CABLES1: variants seen among roughly 807,000 people sequenced by gnomAD.
CABLES1 encodes the protein Cdk5 and Abl enzyme substrate 1.
A neutral mutation model predicts 57.8 loss-of-function variants in CABLES1; 36 were observed. That is an observed-to-expected ratio of 0.62 (90% CI 0.48 to 0.82). The LOEUF is 0.82. CABLES1 is among the 40% of genes least tolerant of loss of function. The probability of loss-of-function intolerance (pLI) is 0.00; values close to 1 mark genes in which losing one functional copy is unlikely to be tolerated. For missense variants in CABLES1, 767 were observed against 836.6 expected, an observed-to-expected ratio of 0.92 and a Z score of 1.03; for synonymous variants, 374 against 363.0, an observed-to-expected ratio of 1.03 and a Z score of -0.35.
At chr18:23,222,518 C>T (rs1388389468) in intron 4 of CABLES1, among the ~76,000 whole-genome samples, 2 of 145,900 alleles carry the variant, frequency 1.4e-5, no homozygotes, top group African/African-American at 2.5e-5. Flanking sequence ...TGCTCACGTT[C>T]TCTCTCTCTC....
intron 1 of CABLES1, among the ~76,000 whole-genome samples, chr18:23,147,681 T>C (rs2046900104): frequency 1.3e-5 from 2 of 152,220 alleles, no homozygotes; most frequent in Non-Finnish European, 2.9e-5. Context: ...ATTTTGCCCC[T>C]GCTTACGCTG....
chr18:23,148,211 G>A (rs556274397), intron 1 of CABLES1, among the ~76,000 whole-genome samples: 29 of 151,994 alleles, frequency 1.9e-4, no homozygotes, highest in African/African-American at 5.8e-4. Flanking sequence ...GGGTGGTCTC[G>A]ATCTCCTGAT....
At chr18:23,177,490 G>A (rs1038273335) in intron 1 of CABLES1, among the ~76,000 whole-genome samples, 12 of 151,110 alleles carry the variant, frequency 7.9e-5, no homozygotes, top group Non-Finnish European at 7.4e-5. Flanking sequence ...CAGCCCCGCC[G>A]GTCTATGTGT....
intron 3 of CABLES1, among the ~76,000 whole-genome samples, chr18:23,203,359 G>A (rs1237822368): frequency 1.3e-5 from 2 of 152,012 alleles, no homozygotes; most frequent in African/African-American, 4.8e-5. Context: ...CCTCCCTTGG[G>A]AGGAATTTTC....
At chr18:23,163,984 G>GT (rs1156679262) in intron 1 of CABLES1, among the ~76,000 whole-genome samples, 1 of 152,126 alleles carries the variant, frequency 6.6e-6, no homozygotes, top group African/African-American at 2.4e-5. Context: ...GCACAGACAG[G>GT]TTATCGAGCT....
intron 1 of CABLES1, among the ~76,000 whole-genome samples, chr18:23,185,197 A>G (rs989098095): frequency 1.3e-5 from 2 of 151,978 alleles, no homozygotes; most frequent in African/African-American, 4.8e-5. Flanking sequence ...GCTTTGTGAG[A>G]GGGGAGTTAT....
In CABLES1 at chr18:23,158,031, C is replaced by T. The variant is rs553932660; in HGVS notation, c.845+21424C>T. 3.1e-4 allele frequency among the ~76,000 whole-genome samples: 47 copies of T among 151,886 alleles called. No homozygotes were observed. The Middle Eastern group carries it at 0.014, about 44-fold the overall frequency. On this transcript the variant is annotated intron_variant, in intron 1 of 9. Transcript: ENST00000256925. ...GTTCAGTGGCTTATGCCTGTAATCC[C>T]GGCACTTTGGGAGGCTGAGGCAGGT...
At chr18:23,211,639 T>C (rs1014613382) in intron 3 of CABLES1, among the ~76,000 whole-genome samples, 1 of 152,216 alleles carries the variant, frequency 6.6e-6, no homozygotes, top group Non-Finnish European at 1.5e-5. Context: ...AGGGGCAGGC[T>C]TTTCTAGTAA....
chr18:23,147,766 G>T (rs1463095682), intron 1 of CABLES1, among the ~76,000 whole-genome samples: 1 of 152,178 alleles, frequency 6.6e-6, no homozygotes, highest in Non-Finnish European at 1.5e-5. Flanking sequence ...TACCTTTAGA[G>T]CAATGAGGCT....
rs999261061 is a variant in CABLES1 at position 23,236,034 on chromosome 18, AGGG to A, written c.1327_1329del (p.Gly443del). ...TCCATAGGCCGGGCAAGCGGCACCC[AGGG>A]GAGCCTCGACACAGGTAACCTTGGC... On this transcript the variant is annotated inframe_deletion, in exon 6 of 10. Coordinates refer to ENST00000256925, the MANE Select transcript of CABLES1 (RefSeq NM_001100619.3). The A allele has an allele frequency of 6.2e-7, 1 of 1,614,128 alleles. No individual in the cohort carries two copies. The highest frequency in any genetic ancestry group is 1.3e-5 in the African/African-American group (1 of 75,048).
intron 1 of CABLES1, among the ~76,000 whole-genome samples, chr18:23,148,148 C>G (rs889023214): frequency 1.4e-4 from 22 of 152,142 alleles, no homozygotes; most frequent in Non-Finnish European, 2.5e-4. Context: ...CGCCACCATG[C>G]CCGGCTAATT....
intron 1 of CABLES1, among the ~76,000 whole-genome samples, chr18:23,145,425 G>C (rs1014915140): frequency 1.3e-5 from 2 of 152,054 alleles, no homozygotes; most frequent in Non-Finnish European, 2.9e-5. Flanking sequence ...CTCCTCTTTG[G>C]GGGCTGTGCA....
chr18:23,215,121 C>G (rs1304390760), intron 4 of CABLES1, among the ~76,000 whole-genome samples: 1 of 152,192 alleles, frequency 6.6e-6, no homozygotes, highest in Non-Finnish European at 1.5e-5. Context: ...ACACTTTGAG[C>G]TCGTCTTTTT....
At chr18:23,134,738 A>G (rs898216989), upstream of CABLES1, 4 of 152,142 alleles carry the variant, frequency 2.6e-5, no homozygotes, top group Non-Finnish European at 4.4e-5. Flanking sequence ...AAAGTAAAAA[A>G]TTTGCGTTGT....
In CABLES1 at chr18:23,257,383, C is replaced by A; in HGVS notation, c.*16C>A. On this transcript the variant is annotated 3_prime_UTR_variant, in exon 10 of 10. Coordinates refer to ENST00000256925, the MANE Select transcript of CABLES1 (RefSeq NM_001100619.3). Reference sequence around the variant, plus strand: ...GAGTTCCTAGCACTGGCCCCGAGGACAGCCAAGGGCCATTTCTTCTCAGCT... The same window carrying A: ...GAGTTCCTAGCACTGGCCCCGAGGAAAGCCAAGGGCCATTTCTTCTCAGCT... 6.4e-7 allele frequency: 1 copy of A among 1,573,082 alleles called. No individual in the cohort carries two copies.
At chr18:23,139,963 C>T (rs769871244) in intron 1 of CABLES1, among the ~76,000 whole-genome samples, 1 of 152,182 alleles carries the variant, frequency 6.6e-6, no homozygotes, top group Non-Finnish European at 1.5e-5. Context: ...TTAGCCTCTT[C>T]GTTTGCATCC....
At chr18:23,173,248 A>G (rs925027803) in intron 1 of CABLES1, among the ~76,000 whole-genome samples, 1 of 152,216 alleles carries the variant, frequency 6.6e-6, no homozygotes, top group Non-Finnish European at 1.5e-5. Context: ...GGGTTTGCCC[A>G]GGTCTCTGCC....
chr18:23,145,917 A>AT (rs2046889230), intron 1 of CABLES1, among the ~76,000 whole-genome samples: 1 of 152,242 alleles, frequency 6.6e-6, no homozygotes, highest in East Asian at 1.9e-4. Context: ...CCAGGGGCTT[A>AT]TGACTTTAGA....
chr18:23,163,832 C>T (rs1287881383), intron 1 of CABLES1, among the ~76,000 whole-genome samples: 1 of 152,078 alleles, frequency 6.6e-6, no homozygotes, highest in East Asian at 1.9e-4. Context: ...GCGTGGCTCT[C>T]CCAAATAGCT....
Sources: gnomAD v4.1 joint callset for allele counts (sites outside exome capture counted in the v4.1 genomes callset) on GRCh38, gnomAD v4.1.1 for gene constraint, MANE v1.5 for transcripts, NCBI Gene and HGNC (gene_info 2026-07-23, HGNC 2026-07-21) for gene names.